The following SLC25A48 variants were observed in gnomAD, a reference collection of about 807,000 sequenced individuals.
The protein encoded by SLC25A48 is CTC-321K16.1.
A neutral mutation model predicts 32.2 loss-of-function variants in SLC25A48; 29 were observed. That is an observed-to-expected ratio of 0.90 (90% CI 0.67 to 1.23). The LOEUF (loss-of-function observed/expected upper bound fraction) is 1.23. SLC25A48 is among the 50% of genes most tolerant of loss of function. The pLI, the probability that SLC25A48 is intolerant of heterozygous loss-of-function variation, is 0.00. For synonymous variants in SLC25A48, 164 were observed against 172.3 expected (o/e 0.95, Z 0.38); for missense variants, 399 against 422.7 (o/e 0.94, Z 0.49).
intron 4 of SLC25A48, among the ~76,000 whole-genome samples, chr5:135,821,274 A>G (rs1260654551): frequency 6.6e-6 from 1 of 152,168 alleles, no homozygotes; most frequent in Non-Finnish European, 1.5e-5. Flanking sequence ...CAGATGTCCT[A>G]CATCATCAGC....
intron 3 of SLC25A48, among the ~76,000 whole-genome samples, chr5:135,732,793 G>A (rs1755260336): frequency 6.6e-6 from 1 of 152,186 alleles, no homozygotes; most frequent in African/African-American, 2.4e-5. Flanking sequence ...CAGTGGGGGA[G>A]TAGGTGGGAG....
At chr5:135,774,882 T>C (rs961153862) in intron 3 of SLC25A48, among the ~76,000 whole-genome samples, 5 of 151,698 alleles carry the variant, frequency 3.3e-5, no homozygotes, top group Admixed American at 1.3e-4. Flanking sequence ...ACTCCCAATA[T>C]TGCAGAAGGT....
intron 5 of SLC25A48, chr5:135,871,963 A>T (rs774380846): frequency 2.8e-6 from 4 of 1,416,408 alleles, no homozygotes; most frequent in Admixed American, 5.2e-5. Flanking sequence ...TATTTTGAAC[A>T]CATACTCTGT....
chr5:135,847,707 C>T (rs1376074359), intron 2 of SLC25A48, among the ~76,000 whole-genome samples: 1 of 152,072 alleles, frequency 6.6e-6, no homozygotes, highest in African/African-American at 2.4e-5. Context: ...GATGCTGGGG[C>T]TCCGGGAAAG....
intron 3 of SLC25A48, among the ~76,000 whole-genome samples, chr5:135,689,467 T>C (rs1201006216): frequency 6.6e-6 from 1 of 152,198 alleles, no homozygotes; most frequent in Non-Finnish European, 1.5e-5. Flanking sequence ...ACATACATTG[T>C]TGAATAAGTG....
At chr5:135,747,116 C>T (rs1021843801) in intron 3 of SLC25A48, among the ~76,000 whole-genome samples, 26 of 151,664 alleles carry the variant, frequency 1.7e-4, no homozygotes, top group Admixed American at 1.6e-3. Context: ...TGAATGGTAC[C>T]CTCTGCCATT....
chr5:135,793,588 G>A (rs1757089454), intron 3 of SLC25A48, among the ~76,000 whole-genome samples: 2 of 151,818 alleles, frequency 1.3e-5, no homozygotes, highest in African/African-American at 2.4e-5. Flanking sequence ...TTTACACCAT[G>A]TGTGTATACT....
chr5:135,879,603 AGAGAGAGAGTGTGTGTGT>A (rs1411848908), intron 6 of SLC25A48, among the ~76,000 whole-genome samples: 24 of 130,054 alleles, frequency 1.8e-4, no homozygotes, highest in African/African-American at 9.0e-4. Context: ...AGAGAGAGAG[AGAGAGAGAGTGTGTGTGT>A]GTGTGTGTGT....
chr5:135,842,546 T>G, intron 2 of SLC25A48, 87 bp downstream of exon 2: 3 of 1,339,052 alleles, frequency 2.2e-6, no homozygotes, highest in Non-Finnish European at 3.2e-6. Context: ...TTCTAATCTC[T>G]CAGAGAGTCT....
chr5:135,595,314 A>G (rs1304691691), intron 1 of SLC25A48, among the ~76,000 whole-genome samples: 1 of 152,144 alleles, frequency 6.6e-6, no homozygotes, highest in East Asian at 1.9e-4. Context: ...ATGTCCCTGG[A>G]GTTGTGGGAC....
Position 135,874,222 on chromosome 5 carries a change from T to G in SLC25A48, c.813+68T>G, listed in dbSNP as rs567248008. On this transcript the variant is annotated intron_variant, in intron 6 of 7. Coordinates refer to ENST00000681962, the MANE Select transcript of SLC25A48 (RefSeq NM_001349336.2). ...AAGGTGGTTCACACATTTAGGGGGA[T>G]GTGGGACTATAGAGAAGGGAATCAG... The G allele has an allele frequency of 1.4e-5, 20 of 1,390,968 alleles. No homozygotes were observed. The South Asian group carries it at 3.1e-4, about 22-fold the overall frequency. 86.2% of individuals were successfully genotyped at this position (1,390,968 alleles called of 1,614,324 possible).
chr5:135,593,437 T>C (rs1172810126), intron 1 of SLC25A48, among the ~76,000 whole-genome samples: 2 of 152,220 alleles, frequency 1.3e-5, no homozygotes, highest in Non-Finnish European at 2.9e-5. Flanking sequence ...TTCGTGTTTC[T>C]AGCCTCTGGC....
At chr5:135,687,621 C>A (rs1184782232) in intron 3 of SLC25A48, among the ~76,000 whole-genome samples, 1 of 152,016 alleles carries the variant, frequency 6.6e-6, no homozygotes, top group Non-Finnish European at 1.5e-5. Context: ...TAGTAAATAG[C>A]ACCTTAGACA....
chr5:135,688,238 C>A (rs563721543), intron 3 of SLC25A48, among the ~76,000 whole-genome samples: 1 of 152,286 alleles, frequency 6.6e-6, no homozygotes, highest in East Asian at 1.9e-4. Context: ...AATATTCCGT[C>A]ATATGTCTAT....
intron 3 of SLC25A48, among the ~76,000 whole-genome samples, chr5:135,760,414 C>G (rs551005082): frequency 6.6e-6 from 1 of 152,242 alleles, no homozygotes; most frequent in African/African-American, 2.4e-5. Flanking sequence ...GCATGAACAC[C>G]AAGGCCAGAA....
At chr5:135,619,918 C>T (rs1307747427) in intron 1 of SLC25A48, among the ~76,000 whole-genome samples, 1 of 152,106 alleles carries the variant, frequency 6.6e-6, no homozygotes, top group Non-Finnish European at 1.5e-5. Flanking sequence ...CCTTGGGTCC[C>T]ACAATGATGT....
chr5:135,665,080 A>C lies in SLC25A48; in HGVS notation c.-521+30124A>C, dbSNP rs1580767076. ...TTTCCTTTTTACCACATCCATGCCAACATCTATTGTTTCTTGACATTTTAT... is the reference window on the plus strand; with the variant it reads ...TTTCCTTTTTACCACATCCATGCCACCATCTATTGTTTCTTGACATTTTAT... On this transcript the variant is annotated intron_variant, in intron 3 of 10. Transcript: ENST00000646290. 2.0e-5 allele frequency among the ~76,000 whole-genome samples: 3 copies of C among 152,314 alleles called. No individual in the cohort carries two copies. The South Asian group carries it at 6.2e-4, about 32-fold the overall frequency.
chr5:135,822,162 C>G (rs1038857954), intron 4 of SLC25A48: 3 of 152,246 alleles, frequency 2.0e-5, no homozygotes, highest in African/African-American at 7.2e-5. Flanking sequence ...GTAAGCCCCC[C>G]CAACAGAGTG....
intron 3 of SLC25A48, among the ~76,000 whole-genome samples, chr5:135,747,415 G>A (rs4634347): frequency 0.46 from 69,455 of 150,880 alleles, 16,800 homozygotes; most frequent in Non-Finnish European, 0.54. Flanking sequence ...TTCCCCCCAA[G>A]TGTGGTCAGT....
Sources: allele counts gnomAD v4.1 joint callset (sites outside exome capture counted in the v4.1 genomes callset), GRCh38; gene constraint gnomAD v4.1.1; transcripts MANE v1.5; gene names NCBI Gene and HGNC (gene_info 2026-07-23, HGNC 2026-07-21).